The following PPP2R1A variants were observed in gnomAD, a reference collection of about 807,000 sequenced individuals.
PPP2R1A encodes protein phosphatase 2 scaffold subunit Aalpha.
A neutral mutation model predicts 67.1 loss-of-function variants in PPP2R1A; 15 were observed. The observed-to-expected ratio is 0.22, with a 90% CI of 0.15 to 0.34. The LOEUF is 0.34. PPP2R1A is among the 10% of genes least tolerant of loss of function. PPP2R1A has a pLI of 1.00. For missense variants in PPP2R1A, 369 were observed against 775.0 expected, an observed-to-expected ratio of 0.48 and a Z score of 6.22; for synonymous variants, 337 against 325.0, an observed-to-expected ratio of 1.04 and a Z score of -0.40.
intron 1 of PPP2R1A, among the ~76,000 whole-genome samples, chr19:52,194,783 G>A (rs1463270740): frequency 1.3e-5 from 2 of 152,170 alleles, no homozygotes; most frequent in Non-Finnish European, 2.9e-5. Flanking sequence ...AAGAATCAGC[G>A]TGTGCCTGGT....
chr19:52,213,249 A>G lies in PPP2R1A; in HGVS notation c.807+139A>G. 6 of 1,122,458 alleles carry G rather than the reference A, an allele frequency of 5.3e-6. No individual in the cohort carries two copies. The highest frequency in any genetic ancestry group is 7.2e-6 in the Non-Finnish European group (6 of 836,102). The allele number at this position is 1,122,458 out of a possible 1,614,324, so 69.5% of individuals were successfully genotyped here. On this transcript the variant is annotated intron_variant, in intron 6 of 14. Coordinates refer to ENST00000322088, the MANE Select transcript of PPP2R1A (RefSeq NM_014225.6). The surrounding 1 kb of genome is among the most constrained non-coding windows in gnomAD (Gnocchi z 4.2). ...GCAATAAGATCTCTATGATCATCTA[A>G]CTGCGTCTCGCTTCGTGTGCCAATC...
At chr19:52,225,645 G>A in intron 13 of PPP2R1A, 72 bp from the exon 14 acceptor site, 2 of 1,404,740 alleles carry the variant, frequency 1.4e-6, no homozygotes, top group Non-Finnish European at 2.0e-6. Context: ...TTGCCCAAGA[G>A]CCCTGTGCCC....
intron 1 of PPP2R1A, among the ~76,000 whole-genome samples, chr19:52,191,638 C>T (rs926857310): frequency 1.3e-5 from 2 of 152,116 alleles, no homozygotes; most frequent in African/African-American, 4.8e-5. Flanking sequence ...TTGACAAGGG[C>T]AAGTTAGTTA....
chr19:52,203,787 C>G (rs1055751148), intron 2 of PPP2R1A, among the ~76,000 whole-genome samples: 2 of 152,222 alleles, frequency 1.3e-5, no homozygotes, highest in Non-Finnish European at 2.9e-5. Context: ...GTCGCTGGTC[C>G]TGTGGAACTT....
In PPP2R1A at chr19:52,227,153, T is replaced by C. The variant is rs1600176681; in HGVS notation, c.*1172T>C. On this transcript the variant is annotated 3_prime_UTR_variant, in exon 15 of 15. Transcript: ENST00000322088. ...GTGTCTCTTGAAATTAGGTGTGGTATTGTGACCAAATTCTAGCCAAAAAGA... is the reference window on the plus strand; with the variant it reads ...GTGTCTCTTGAAATTAGGTGTGGTACTGTGACCAAATTCTAGCCAAAAAGA... The C allele has an allele frequency of 2.0e-5, 3 of 152,296 alleles. No homozygotes were observed. The highest frequency in any genetic ancestry group is 2.4e-5 in the African/African-American group (1 of 41,562). The allele number at this position is 152,296 out of a possible 1,614,324, so 9.4% of individuals were successfully genotyped here.
chr19:52,204,828 G>A (rs942891398), intron 2 of PPP2R1A, among the ~76,000 whole-genome samples: 1 of 152,166 alleles, frequency 6.6e-6, no homozygotes, highest in Non-Finnish European at 1.5e-5. Context: ...GCTCTTCAAT[G>A]AAAGCATTTA....
At chr19:52,206,982 A>C (rs1032745041) in intron 3 of PPP2R1A, among the ~76,000 whole-genome samples, 5 of 152,176 alleles carry the variant, frequency 3.3e-5, no homozygotes, top group African/African-American at 1.2e-4. Context: ...GTGTATAAAG[A>C]ATGGTGCTTA....
In PPP2R1A at chr19:52,193,891, C is replaced by T. The variant is rs537752474; in HGVS notation, c.78+3717C>T. Among the ~76,000 whole-genome samples, 167 of 150,992 alleles carry T rather than the reference C, an allele frequency of 1.1e-3. 2 individuals carry two copies. Among genetic ancestry groups the T allele is most frequent in the Admixed American group, 3.6e-3 (55 of 15,136 alleles). ...CTTTGGAAGGCCAAGGTGAAAGGAT[C>T]GCTTGAGCCCAGGAGTTTAAGACCA... On this transcript the variant is annotated intron_variant, in intron 1 of 14. Coordinates refer to ENST00000322088, the MANE Select transcript of PPP2R1A (RefSeq NM_014225.6).
chr19:52,215,460 T>G (rs1978509263), intron 6 of PPP2R1A, among the ~76,000 whole-genome samples: 1 of 152,246 alleles, frequency 6.6e-6, no homozygotes, highest in South Asian at 2.1e-4. Context: ...CTATATCATT[T>G]GAATGTTTTT....
At position 52,225,807 on chromosome 19, in the gene PPP2R1A, T is replaced by G; in HGVS notation, c.1752T>G (p.Thr584=). ...AATACTTTGCCCAGGAGGCTCTGAC[T>G]GGTAAGACCTAGAAAGCACGGAGCC... is the stretch of plus-strand genomic sequence containing the variant. ...DVKYFAQEAL[T]VLSLA The change falls in exon 14 of 15, where the codon ACT becomes ACG. Residue 584 remains threonine, a splice_region_variant and synonymous_variant. Transcript: ENST00000322088. 1 of 1,613,936 alleles carries G rather than the reference T, an allele frequency of 6.2e-7. No homozygotes were observed. The highest frequency in any genetic ancestry group is 8.5e-7 in the Non-Finnish European group (1 of 1,179,784).
chr19:52,222,004 CTGA>C, intron 12 of PPP2R1A, 92 bp from the exon 13 acceptor site: 1 of 1,324,534 alleles, frequency 7.5e-7, no homozygotes, highest in Non-Finnish European at 1.0e-6. Flanking sequence ...TCTGTGGGGC[CTGA>C]TGATCACCAG....
chr19:52,194,942 G>A (rs1366370954), intron 1 of PPP2R1A, among the ~76,000 whole-genome samples: 3 of 152,122 alleles, frequency 2.0e-5, no homozygotes, highest in Non-Finnish European at 4.4e-5. Flanking sequence ...ACACTGGGCT[G>A]TTTGTTTTTT....
At chr19:52,217,680 G>A (rs1445685283) in intron 9 of PPP2R1A, among the ~76,000 whole-genome samples, 1 of 152,080 alleles carries the variant, frequency 6.6e-6, no homozygotes, top group East Asian at 1.9e-4. Context: ...TTCGGTGGTG[G>A]ATTTTTTTTC....
Position 52,216,767 on chromosome 19 carries a change from A to C in PPP2R1A, c.1128+104A>C. On this transcript the variant is annotated intron_variant, in intron 9 of 14. Coordinates refer to ENST00000322088, the MANE Select transcript of PPP2R1A (RefSeq NM_014225.6). This position sits in a 1 kb window ranked among gnomAD's most constrained non-coding sequence, Gnocchi z 4.3. ...TTGACCAGGAATCTGCTGATATCTCAACAGACATCCAGATCTTTGCTGAGT... is the reference window on the plus strand; with the variant it reads ...TTGACCAGGAATCTGCTGATATCTCCACAGACATCCAGATCTTTGCTGAGT... The C allele has an allele frequency of 4.0e-4, 605 of 1,517,410 alleles. No individual in the cohort carries two copies. The highest frequency in any genetic ancestry group is 5.0e-4 in the Non-Finnish European group (557 of 1,107,416). The allele number at this position is 1,517,410 out of a possible 1,614,324, so 94.0% of individuals were successfully genotyped here.
chr19:52,198,477 G>T (rs2089516985), intron 1 of PPP2R1A, among the ~76,000 whole-genome samples: 1 of 152,086 alleles, frequency 6.6e-6, no homozygotes, highest in Non-Finnish European at 1.5e-5. Flanking sequence ...TGCTGGAGCG[G>T]CTCACAGAAC....
In PPP2R1A at chr19:52,219,795, G is replaced by A; in HGVS notation, c.1233G>A (p.Leu411=). The stretch of plus-strand genomic sequence containing the variant: ...CCCTGCTCCCTGCCATTGTGGAGCT[G>A]GCTGAGGACGCCAAGTGGCGGGTGC... ...SQSLLPAIVE[L]AEDAKWRVRL... Residue 411 remains leucine (L), a synonymous_variant, in exon 10 of 15, where the codon CTG becomes CTA. Transcript: ENST00000322088. This position sits in a 1 kb window ranked among gnomAD's most constrained non-coding sequence, Gnocchi z 4.0. 1 of 1,613,992 alleles carries A rather than the reference G, an allele frequency of 6.2e-7. No individual in the cohort carries two copies. The highest frequency in any genetic ancestry group is 8.5e-7 in the Non-Finnish European group (1 of 1,180,044).
rs1476176403 is a variant in PPP2R1A at position 52,201,926 on chromosome 19, T to C, written c.79-18T>C. 3 of 1,611,998 alleles carry C rather than the reference T, an allele frequency of 1.9e-6. No homozygotes were observed. The highest frequency in any genetic ancestry group is 1.1e-5 in the South Asian group (1 of 91,020). On this transcript the variant is annotated intron_variant, in intron 1 of 14. Coordinates refer to ENST00000322088, the MANE Select transcript of PPP2R1A (RefSeq NM_014225.6). ...GGATTTCTAACATTCTCCCCTCCTC[T>C]TCTTGTTCTCTCATTAGCTTCGCCT...
chr19:52,202,170 G>C (rs2122301093), intron 2 of PPP2R1A, 136 bp downstream of exon 2: 1 of 714,716 alleles, frequency 1.4e-6, no homozygotes, highest in East Asian at 2.7e-5. Context: ...AGTGGGAAAA[G>C]GGATTCAGAG....
chr19:52,226,152 A>C lies in PPP2R1A; in HGVS notation c.*171A>C. On this transcript the variant is annotated 3_prime_UTR_variant, in exon 15 of 15. Transcript: ENST00000322088. ...TCTCCCCAGCCTGGGAAGATGTCTCACTGTCCACCTCCCAACGGGCTAGGG... is the reference window on the plus strand; with the variant it reads ...TCTCCCCAGCCTGGGAAGATGTCTCCCTGTCCACCTCCCAACGGGCTAGGG... 5 of 1,021,398 alleles carry C rather than the reference A, an allele frequency of 4.9e-6. No individual in the cohort carries two copies. The highest frequency in any genetic ancestry group is 1.5e-5 in the South Asian group (1 of 65,630). 63.3% of individuals were successfully genotyped at this position (1,021,398 alleles called of 1,614,324 possible). A position where few individuals can be genotyped will look rare whatever the true frequency, so the allele number is the denominator to read the frequency against.
Sources: allele counts gnomAD v4.1 joint callset (sites outside exome capture counted in the v4.1 genomes callset), GRCh38; gene constraint gnomAD v4.1.1; non-coding constraint Gnocchi (gnomAD v3.1); transcripts MANE v1.5; gene names NCBI Gene and HGNC (gene_info 2026-07-23, HGNC 2026-07-21).